Variants in STX8 observed in about 807,000 individuals in gnomAD.
STX8 encodes syntaxin 8.
In STX8, 23 loss-of-function variants were observed where a neutral mutation model predicts 37.5. That is an observed-to-expected ratio of 0.61 (90% CI 0.44 to 0.87). STX8 has a LOEUF of 0.87. Among genes scored for constraint, STX8 ranks in the 40% least tolerant of loss-of-function variants. The probability of loss-of-function intolerance (pLI) is 0.00; values close to 1 mark genes in which losing one functional copy is unlikely to be tolerated. For missense variants in STX8, 313 were observed against 284.7 expected, an observed-to-expected ratio of 1.10 and a Z score of -0.71; for synonymous variants, 115 against 99.1, an observed-to-expected ratio of 1.16 and a Z score of -0.95.
intron 7 of STX8, among the ~76,000 whole-genome samples, chr17:9,344,409 C>T (rs1475433401): frequency 3.9e-5 from 6 of 152,008 alleles, no homozygotes; most frequent in South Asian, 2.1e-4. Flanking sequence ...TACAGGCGTC[C>T]GCCACCACAC....
chr17:9,496,713 A>C (rs1355740777), intron 5 of STX8, among the ~76,000 whole-genome samples: 1 of 152,210 alleles, frequency 6.6e-6, no homozygotes, highest in East Asian at 1.9e-4. Flanking sequence ...AGGTGGATCC[A>C]GTATAATCAT....
At chr17:9,266,288 C>T (rs986365897) in intron 7 of STX8, among the ~76,000 whole-genome samples, 2 of 152,178 alleles carry the variant, frequency 1.3e-5, no homozygotes, top group Non-Finnish European at 2.9e-5. Context: ...CCAGCCAGCG[C>T]ACCGGAGCCT....
intron 7 of STX8, among the ~76,000 whole-genome samples, chr17:9,256,699 G>T (rs915069008): frequency 6.6e-6 from 1 of 152,216 alleles, no homozygotes; most frequent in East Asian, 1.9e-4. Context: ...GGTTCCTAAA[G>T]GCAGAGGCAG....
chr17:9,347,884 T>C (rs138304561), intron 7 of STX8, among the ~76,000 whole-genome samples: 4 of 152,362 alleles, frequency 2.6e-5, no homozygotes, highest in African/African-American at 9.6e-5. Flanking sequence ...AATTAAATCA[T>C]ATAATATATA....
intron 5 of STX8, among the ~76,000 whole-genome samples, chr17:9,500,026 G>C (rs1260393157): frequency 6.6e-6 from 1 of 152,190 alleles, no homozygotes; most frequent in Non-Finnish European, 1.5e-5. Context: ...TTCAGGAAAT[G>C]TGAGTCCTGA....
At chr17:9,374,159 G>A (rs1162223689) in intron 7 of STX8, among the ~76,000 whole-genome samples, 1 of 150,424 alleles carries the variant, frequency 6.6e-6, no homozygotes, top group Non-Finnish European at 1.5e-5. Context: ...GCGGCTCACT[G>A]CAACCTCTGC....
At chr17:9,484,084 A>G (rs1210020128) in intron 6 of STX8, among the ~76,000 whole-genome samples, 2 of 152,230 alleles carry the variant, frequency 1.3e-5, no homozygotes, top group Non-Finnish European at 2.9e-5. Flanking sequence ...CACTTCAGGT[A>G]GCTGTAGTGA....
chr17:9,535,057 A>G (rs1905972734), intron 4 of STX8, among the ~76,000 whole-genome samples: 1 of 152,222 alleles, frequency 6.6e-6, no homozygotes, highest in Non-Finnish European at 1.5e-5. Context: ...AGAGCCAAGT[A>G]GGAAAAACGT....
At chr17:9,545,542 A>C (rs538688086) in intron 3 of STX8, among the ~76,000 whole-genome samples, 1 of 152,230 alleles carries the variant, frequency 6.6e-6, no homozygotes, top group Admixed American at 6.5e-5. Context: ...TTCATTGAGA[A>C]ATATACCAGG....
chr17:9,390,550 C>T (rs1209923030), intron 6 of STX8, among the ~76,000 whole-genome samples: 3 of 136,674 alleles, frequency 2.2e-5, no homozygotes, highest in East Asian at 2.2e-4. Context: ...AACACAGGGT[C>T]GGTGCGGTGG....
chr17:9,461,481 C>T (rs1394783889), intron 6 of STX8: 2 of 152,048 alleles, frequency 1.3e-5, no homozygotes, highest in African/African-American at 4.8e-5. Flanking sequence ...AATATAAAGT[C>T]AAGAAGAGAT....
rs56156447 is a variant in STX8, at chr17:9,494,061, G to A, written c.449-2140C>T. Among the ~76,000 whole-genome samples the A allele has an allele frequency of 4.9e-3, 740 of 151,480 alleles. 3 individuals carry two copies. The highest frequency in any genetic ancestry group is 0.017 in the African/African-American group (694 of 41,412). Reference sequence around the variant, plus strand: ...GATGGAGTCTCACTCTGTCGCCCAGGCTGGAGTGCAGTGGCGCGATCTCGG... The same window carrying A: ...GATGGAGTCTCACTCTGTCGCCCAGACTGGAGTGCAGTGGCGCGATCTCGG... On this transcript the variant is annotated intron_variant, in intron 5 of 7. Coordinates refer to ENST00000306357, the MANE Select transcript of STX8 (RefSeq NM_004853.3).
At chr17:9,295,603 C>T (rs959723394) in intron 7 of STX8, among the ~76,000 whole-genome samples, 3 of 150,656 alleles carry the variant, frequency 2.0e-5, no homozygotes, top group Non-Finnish European at 3.0e-5. Context: ...ATTAGCTGGG[C>T]GTGGTGGCAG....
intron 6 of STX8, among the ~76,000 whole-genome samples, chr17:9,378,883 G>A (rs546115120): frequency 1.3e-5 from 2 of 152,122 alleles, no homozygotes; most frequent in African/African-American, 4.8e-5. Flanking sequence ...CAGGAGAAAT[G>A]CCACATTCAG....
chr17:9,505,287 G>T lies in STX8; in HGVS notation c.324-125C>A, dbSNP rs1265378228. ...AAATTCAATTCAAACACAATTTATTGCATCATTAGTTTATGCCAGGAACTG... is the reference window on the plus strand; with the variant it reads ...AAATTCAATTCAAACACAATTTATTTCATCATTAGTTTATGCCAGGAACTG... On this transcript the variant is annotated intron_variant, in intron 4 of 7. Transcript: ENST00000306357. The T allele has an allele frequency of 1.6e-5, 18 of 1,091,560 alleles. No individual in the cohort carries two copies. In the East Asian group the frequency reaches 4.4e-4, roughly 26 times the overall value. The allele number at this position is 1,091,560 out of a possible 1,614,324, so 67.6% of individuals were successfully genotyped here. A position where few individuals can be genotyped will look rare whatever the true frequency, so the allele number is the denominator to read the frequency against.
intron 7 of STX8, among the ~76,000 whole-genome samples, chr17:9,364,873 T>G (rs2142264389): frequency 6.6e-6 from 1 of 152,284 alleles, no homozygotes; most frequent in East Asian, 1.9e-4. Context: ...CTCTGGGGGT[T>G]GCAGTTTATA....
chr17:9,563,528 CACACAGAG>C (rs1486145321), intron 2 of STX8, among the ~76,000 whole-genome samples: 3 of 151,966 alleles, frequency 2.0e-5, no homozygotes, highest in African/African-American at 7.3e-5. Flanking sequence ...AACACACAGA[CACACAGAG>C]ACACACACAT....
intron 7 of STX8, among the ~76,000 whole-genome samples, chr17:9,270,472 G>T (rs1907414432): frequency 6.6e-6 from 1 of 151,922 alleles, no homozygotes. Context: ...GCCAGGAATG[G>T]TCTGATCTCC....
intron 5 of STX8, among the ~76,000 whole-genome samples, chr17:9,494,300 C>T (rs1175451645): frequency 6.6e-6 from 1 of 150,960 alleles, no homozygotes; most frequent in Admixed American, 6.6e-5. Flanking sequence ...CAGGCGTGAG[C>T]CACCGCCCCC....
Sources: gnomAD v4.1 joint callset for allele counts (sites outside exome capture counted in the v4.1 genomes callset) on GRCh38, gnomAD v4.1.1 for gene constraint, MANE v1.5 for transcripts, NCBI Gene and HGNC (gene_info 2026-07-23, HGNC 2026-07-21) for gene names.